ESRRB: variants seen among roughly 807,000 people sequenced by gnomAD.
ESRRB encodes steroid hormone receptor ERR2.
In ESRRB, 16 loss-of-function variants were observed where a neutral mutation model predicts 46.0. The observed-to-expected ratio is 0.35, with a 90% CI of 0.24 to 0.53. The LOEUF (loss-of-function observed/expected upper bound fraction) is 0.53, where lower values mean the gene tolerates loss of function less well. Among genes scored for constraint, ESRRB ranks in the 20% least tolerant of loss-of-function variants. The pLI is 0.93. For synonymous variants in ESRRB, 246 were observed against 259.6 expected, an observed-to-expected ratio of 0.95 and a Z score of 0.50; for missense variants, 488 against 607.4, an observed-to-expected ratio of 0.80 and a Z score of 2.07.
chr14:76,489,479 A>ACACACACC (rs1414646049), intron 5 of ESRRB, among the ~76,000 whole-genome samples: 15 of 150,130 alleles, frequency 1.0e-4, no homozygotes, highest in South Asian at 6.4e-4. Flanking sequence ...ACACACACAC[A>ACACACACC]CCCTGATCCC....
intron 3 of ESRRB, among the ~76,000 whole-genome samples, chr14:76,481,414 T>TCAAAATAC (rs1370584084): frequency 2.0e-5 from 3 of 152,192 alleles, no homozygotes; most frequent in Non-Finnish European, 4.4e-5. Context: ...GAACCTACTT[T>TCAAAATAC]CAAGATATTT....
chr14:76,469,286 G>C (rs9944094), intron 3 of ESRRB, among the ~76,000 whole-genome samples: 1 of 151,890 alleles, frequency 6.6e-6, no homozygotes, highest in Non-Finnish European at 1.5e-5. Context: ...GTAGAGACAG[G>C]GTTTCACCAT....
intron 1 of ESRRB, among the ~76,000 whole-genome samples, chr14:76,415,476 G>A (rs571229609): frequency 8.1e-4 from 123 of 151,996 alleles, no homozygotes; most frequent in African/African-American, 2.7e-3. Context: ...CCTGGCCAAC[G>A]TGGTAAAACC....
chr14:76,484,262 A>G (rs55813603), intron 5 of ESRRB, among the ~76,000 whole-genome samples: 18,152 of 152,266 alleles, frequency 0.12, 1,153 homozygotes, highest in Middle Eastern at 0.17. Context: ...GCACAGAGAC[A>G]TCAGATGGCC....
At chr14:76,416,836 TA>T (rs138156698) in intron 1 of ESRRB, among the ~76,000 whole-genome samples, 3,145 of 152,266 alleles carry the variant, frequency 0.021, 105 homozygotes, top group African/African-American at 0.072. Context: ...GATTCTGAGA[TA>T]AAACAATTAG....
chr14:76,390,861 G>A (rs1361544603), intron 1 of ESRRB, among the ~76,000 whole-genome samples: 1 of 152,186 alleles, frequency 6.6e-6, no homozygotes, highest in Non-Finnish European at 1.5e-5. Context: ...TGAGGCCACA[G>A]CAGCACATGG....
chr14:76,454,205 A>T (rs1411642766), intron 2 of ESRRB, among the ~76,000 whole-genome samples: 1 of 152,160 alleles, frequency 6.6e-6, no homozygotes, highest in East Asian at 1.9e-4. Context: ...CTGAAAGGTC[A>T]CTGTTGTGGA....
At chr14:76,368,850 T>A (rs965540767), upstream of ESRRB, among the ~76,000 whole-genome samples, 3 of 152,156 alleles carry the variant, frequency 2.0e-5, no homozygotes, top group Non-Finnish European at 4.4e-5. Flanking sequence ...ACAGTATACA[T>A]CTGTGAAGGT....
At chr14:76,323,587 G>A (rs1015846516) in intron 1 of ESRRB, among the ~76,000 whole-genome samples, 15 of 152,164 alleles carry the variant, frequency 9.9e-5, no homozygotes, top group African/African-American at 3.6e-4. Flanking sequence ...TCAGATTACA[G>A]GTATGAGCCA....
At chr14:76,418,662 T>C (rs112708454) in intron 1 of ESRRB, among the ~76,000 whole-genome samples, 1 of 152,338 alleles carries the variant, frequency 6.6e-6, no homozygotes, top group African/African-American at 2.4e-5. Context: ...TTGCCCAGGC[T>C]GGAGTGCAGT....
intron 1 of ESRRB, among the ~76,000 whole-genome samples, chr14:76,380,573 C>G (rs1420732800): frequency 1.3e-5 from 2 of 152,202 alleles, no homozygotes; most frequent in Admixed American, 6.5e-5. Flanking sequence ...CTGGTGTTCC[C>G]CAACACCTAC....
At chr14:76,469,575 A>G (rs1203446890) in intron 3 of ESRRB, among the ~76,000 whole-genome samples, 1 of 152,212 alleles carries the variant, frequency 6.6e-6, no homozygotes, top group Non-Finnish European at 1.5e-5. Context: ...TCACATTAAA[A>G]AAAGAGACAG....
At chr14:76,497,976 C>A (rs1890496165) in intron 6 of ESRRB, among the ~76,000 whole-genome samples, 1 of 152,164 alleles carries the variant, frequency 6.6e-6, no homozygotes, top group African/African-American at 2.4e-5. Flanking sequence ...TCTGCTGCCA[C>A]CCCCTGGTGA....
intron 1 of ESRRB, among the ~76,000 whole-genome samples, chr14:76,433,451 C>T (rs1160785685): frequency 6.6e-6 from 1 of 152,116 alleles, no homozygotes; most frequent in Non-Finnish European, 1.5e-5. Flanking sequence ...TTTTAAATGT[C>T]TTAAATTCCT....
chr14:76,480,932 T>C (rs1035289549), intron 3 of ESRRB, among the ~76,000 whole-genome samples: 1 of 152,176 alleles, frequency 6.6e-6, no homozygotes, highest in Admixed American at 6.5e-5. Context: ...ACTTCTTGTG[T>C]GTTTCAGTCA....
At chr14:76,375,064 C>G (rs1403001251), upstream of ESRRB, among the ~76,000 whole-genome samples, 1 of 152,046 alleles carries the variant, frequency 6.6e-6, no homozygotes, top group East Asian at 1.9e-4. Flanking sequence ...TGTCTTCCCC[C>G]CTACTGCTCA....
chr14:76,439,518 T>C lies in ESRRB; in HGVS notation c.228T>C (p.Gly76=). The change falls in exon 2 of 7, where the codon GGT becomes GGC. Residue 76 remains glycine (G), a synonymous_variant. Coordinates refer to ENST00000644823, the MANE Select transcript of ESRRB (RefSeq NM_001379180.1). ...TGGCCCTGGGCACCCACGCCAACGG[T>C]CTGGACTCGCCACCCATGTTTGCAG... ...FGLALGTHAN[G]LDSPPMFAGA... 1 of 1,613,220 alleles carries C rather than the reference T, an allele frequency of 6.2e-7. No individual in the cohort carries two copies. The highest frequency in any genetic ancestry group is 8.5e-7 in the Non-Finnish European group (1 of 1,179,932).
chr14:76,394,318 G>C (rs528718252), intron 1 of ESRRB, among the ~76,000 whole-genome samples: 24 of 152,044 alleles, frequency 1.6e-4, no homozygotes, highest in Admixed American at 2.6e-4. Context: ...TCTCTTTGCT[G>C]ATGCTCACGA....
At position 76,407,452 on chromosome 14, in the gene ESRRB, G is replaced by A. The variant is rs982886154; in HGVS notation, c.50+31001G>A. 5.0e-6 allele frequency: 4 copies of A among 792,426 alleles called. No homozygotes were observed. In the South Asian group the frequency reaches 1.7e-4, roughly 34 times the overall value. 49.1% of individuals were successfully genotyped at this position (792,426 alleles called of 1,614,324 possible). ...AGCCTGCATCGAGCAGAGCCACCAG[G>A]CTAAATCCTCTGACCTTGACTTTGG... On this transcript the variant is annotated intron_variant, in intron 1 of 6. Coordinates refer to ENST00000644823, the MANE Select transcript of ESRRB (RefSeq NM_001379180.1).
Sources: gnomAD v4.1 joint callset for allele counts (sites outside exome capture counted in the v4.1 genomes callset) on GRCh38, gnomAD v4.1.1 for gene constraint, MANE v1.5 for transcripts, NCBI Gene and HGNC (gene_info 2026-07-23, HGNC 2026-07-21) for gene names.